EVL: variants seen among roughly 807,000 people sequenced by gnomAD.
EVL encodes the protein ena/VASP-like protein.
A neutral mutation model predicts 59.6 loss-of-function variants in EVL; 21 were observed. The observed-to-expected ratio is 0.35, with a 90% CI of 0.25 to 0.51. The LOEUF (loss-of-function observed/expected upper bound fraction) is 0.51, where lower values mean the gene tolerates loss of function less well. Ranked by LOEUF, EVL falls within the 20% of genes least tolerant of loss-of-function variation. The pLI is 0.97. For missense variants in EVL, 462 were observed against 546.6 expected (o/e 0.85, Z 1.54); for synonymous variants, 198 against 203.5 (o/e 0.97, Z 0.23).
At chr14:100,010,882 T>C (rs928234086) in intron 1 of EVL, among the ~76,000 whole-genome samples, 2 of 152,212 alleles carry the variant, frequency 1.3e-5, no homozygotes, top group African/African-American at 4.8e-5. Flanking sequence ...GAATCAAATG[T>C]TCCGTTTTTC....
At chr14:100,037,341 C>T (rs1340749418) in intron 1 of EVL, among the ~76,000 whole-genome samples, 1 of 152,194 alleles carries the variant, frequency 6.6e-6, no homozygotes, top group Non-Finnish European at 1.5e-5. Context: ...GGAATCACTT[C>T]CAGGAAAGCC....
chr14:100,137,927 T>C (rs1179967355), intron 11 of EVL, 125 bp downstream of exon 11: 1 of 977,596 alleles, frequency 1.0e-6, no homozygotes, highest in Non-Finnish European at 1.6e-6. Flanking sequence ...TCTGCGAAGG[T>C]GGTCTGTTCT....
intron 1 of EVL, among the ~76,000 whole-genome samples, chr14:100,072,208 T>C (rs1344571454): frequency 6.6e-6 from 1 of 152,152 alleles, no homozygotes; most frequent in African/African-American, 2.4e-5. Context: ...ATCAGAAACA[T>C]TTTGTAAAAA....
chr14:100,135,813 T>G, intron 8 of EVL, 92 bp from the exon 9 acceptor site: 1 of 1,140,966 alleles, frequency 8.8e-7, no homozygotes, highest in South Asian at 1.3e-5. Context: ...TTGGGAACAT[T>G]TGGAAAACTG....
At chr14:99,973,870 T>C (rs1475780226) in intron 1 of EVL, among the ~76,000 whole-genome samples, 1 of 152,188 alleles carries the variant, frequency 6.6e-6, no homozygotes, top group African/African-American at 2.4e-5. Context: ...GGGGTTAAAT[T>C]TTATTTTTAC....
chr14:100,087,342 A>T (rs1241284123), intron 2 of EVL, among the ~76,000 whole-genome samples: 1 of 152,226 alleles, frequency 6.6e-6, no homozygotes, highest in African/African-American at 2.4e-5. Context: ...TGGCTGTTGC[A>T]GTGGCTCATG....
At position 100,135,806 on chromosome 14, in the gene EVL, G is replaced by A. The variant is rs76289682; in HGVS notation, c.901-99G>A. On this transcript the variant is annotated intron_variant, in intron 8 of 13. Transcript: ENST00000392920. The stretch of plus-strand genomic sequence containing the variant: ...TTATAAAAGTCATATGTGTTCATTG[G>A]GAACATTTGGAAAACTGAGGTTTTA... 3.1e-3 allele frequency: 3,291 copies of A among 1,048,954 alleles called. 72 individuals carry two copies. In the African/African-American group the frequency reaches 0.045, roughly 14 times the overall value. The allele number at this position is 1,048,954 out of a possible 1,614,324, so 65.0% of individuals were successfully genotyped here. A position where few individuals can be genotyped will look rare whatever the true frequency, so the allele number is the denominator to read the frequency against.
chr14:100,081,511 A>G, intron 1 of EVL, among the ~76,000 whole-genome samples: 1 of 73,894 alleles, frequency 1.4e-5, no homozygotes, highest in African/African-American at 6.6e-5. Context: ...TATTAACAAC[A>G]GCAAAAAAAA....
intron 1 of EVL, among the ~76,000 whole-genome samples, chr14:99,983,222 A>C (rs1282974860): frequency 1.3e-5 from 2 of 152,234 alleles, no homozygotes; most frequent in Non-Finnish European, 2.9e-5. Context: ...TCTAAGAAAG[A>C]TCCAGTGACA....
At chr14:100,002,789 G>T (rs1315850049) in intron 1 of EVL, among the ~76,000 whole-genome samples, 6 of 152,170 alleles carry the variant, frequency 3.9e-5, no homozygotes, top group Admixed American at 1.3e-4. Context: ...TTTAACTAAA[G>T]TGATAACTCA....
chr14:99,986,031 C>A (rs2060837850), intron 1 of EVL, among the ~76,000 whole-genome samples: 2 of 152,136 alleles, frequency 1.3e-5, no homozygotes, highest in African/African-American at 4.8e-5. Flanking sequence ...ATGGCTCATG[C>A]CTGTAATCCC....
intron 1 of EVL, among the ~76,000 whole-genome samples, chr14:100,067,113 C>G (rs1231146110): frequency 6.6e-6 from 1 of 152,168 alleles, no homozygotes; most frequent in Non-Finnish European, 1.5e-5. Context: ...TGGTGCGTCC[C>G]TCCCCCGTAC....
chr14:100,000,274 G>A (rs1163918611), intron 1 of EVL, among the ~76,000 whole-genome samples: 1 of 151,860 alleles, frequency 6.6e-6, no homozygotes, highest in Non-Finnish European at 1.5e-5. Context: ...GTCCAGAAAG[G>A]CAGGACAACT....
rs35844160 is a variant in EVL, at chr14:100,005,630, TACACACACACACACAC to T, written c.5+33598_5+33613del. Among the ~76,000 whole-genome samples, 31 of 143,750 alleles carry T rather than the reference TACACACACACACACAC, an allele frequency of 2.2e-4. No individual in the cohort carries two copies. The East Asian group carries it at 3.7e-3, about 17-fold the overall frequency. The allele number at this position is 143,750 out of a possible 152,430, so 94.3% of individuals were successfully genotyped here. ...ACAAAAAGTATGAAGGCCTTTTAAA[TACACACACACACACAC>T]ACACACACACACACACACACACACC... On this transcript the variant is annotated intron_variant, in intron 1 of 13. Transcript: ENST00000402714.
At chr14:100,104,181 G>A (rs772484318) in intron 3 of EVL, among the ~76,000 whole-genome samples, 5 of 152,176 alleles carry the variant, frequency 3.3e-5, no homozygotes, top group East Asian at 1.9e-4. Context: ...GCACTGGGCC[G>A]GGGACAAGTA....
In EVL at chr14:99,972,642, C is replaced by G. The variant is rs1305743291; in HGVS notation, c.5+585C>G. On this transcript the variant is annotated intron_variant, in intron 1 of 13. Transcript: ENST00000402714. This position sits in a 1 kb window ranked among gnomAD's most constrained non-coding sequence, Gnocchi z 4.4. ...GCACGCCAGTAAAGTGCAAGGCCCCCAAATGTACCGCTCGTTGATGTATCA... is the reference window on the plus strand; with the variant it reads ...GCACGCCAGTAAAGTGCAAGGCCCCGAAATGTACCGCTCGTTGATGTATCA... 6.6e-6 allele frequency among the ~76,000 whole-genome samples: 1 copy of G among 152,138 alleles called. No individual in the cohort carries two copies. The highest frequency in any genetic ancestry group is 2.4e-5 in the African/African-American group (1 of 41,410).
chr14:100,051,274 A>G (rs1181948102), intron 1 of EVL, among the ~76,000 whole-genome samples: 1 of 152,182 alleles, frequency 6.6e-6, no homozygotes, highest in Non-Finnish European at 1.5e-5. Flanking sequence ...CAGCCTGTCC[A>G]TGCTGTCCAC....
chr14:100,134,023 G>C (rs1031969613), intron 8 of EVL, among the ~76,000 whole-genome samples: 4 of 152,092 alleles, frequency 2.6e-5, no homozygotes, highest in African/African-American at 9.7e-5. Context: ...TCCCAGCCCC[G>C]GTCTTCTCCC....
intron 1 of EVL, among the ~76,000 whole-genome samples, chr14:100,016,395 G>A (rs893453167): frequency 9.2e-5 from 14 of 152,200 alleles, no homozygotes; most frequent in East Asian, 7.8e-4. Flanking sequence ...TGGGTGTGGC[G>A]GCACGTGCCT....
Sources: gnomAD v4.1 joint callset for allele counts (sites outside exome capture counted in the v4.1 genomes callset) on GRCh38, gnomAD v4.1.1 for gene constraint, Gnocchi (gnomAD v3.1) non-coding constraint, MANE v1.5 for transcripts, NCBI Gene and HGNC (gene_info 2026-07-23, HGNC 2026-07-21) for gene names.